Variants in CCSER1 observed in about 807,000 individuals in gnomAD.
CCSER1 encodes coiled-coil serine rich protein 1.
CCSER1 carries 41 observed loss-of-function variants against 82.0 expected under a neutral mutation model. That is an observed-to-expected ratio of 0.50 (90% confidence interval 0.39 to 0.65). The LOEUF is 0.65. Ranked by LOEUF, CCSER1 falls within the 30% of genes least tolerant of loss-of-function variation. The probability of loss-of-function intolerance (pLI) is 0.00; values close to 1 mark genes in which losing one functional copy is unlikely to be tolerated. For missense variants in CCSER1, 1,119 were observed against 1,064.2 expected, an observed-to-expected ratio of 1.05 and a Z score of -0.72; for synonymous variants, 414 against 383.9, an observed-to-expected ratio of 1.08 and a Z score of -0.92.
chr4:90,314,395 A>G (rs1735802837), intron 3 of CCSER1, among the ~76,000 whole-genome samples: 1 of 152,204 alleles, frequency 6.6e-6, no homozygotes, highest in African/African-American at 2.4e-5. Context: ...AAGTATTACA[A>G]AACATTTATC....
intron 7 of CCSER1, among the ~76,000 whole-genome samples, chr4:90,788,310 G>T (rs952055300): frequency 6.6e-6 from 1 of 152,084 alleles, no homozygotes; most frequent in Non-Finnish European, 1.5e-5. Context: ...AATTATGGGT[G>T]TGTCTATGTA....
intron 5 of CCSER1, among the ~76,000 whole-genome samples, chr4:90,585,411 A>C (rs1213509748): frequency 6.6e-6 from 1 of 152,172 alleles, no homozygotes; most frequent in African/African-American, 2.4e-5. Context: ...TATAACCTGC[A>C]TTGGTGTAAA....
At chr4:91,446,791 A>G (rs1483627890) in intron 10 of CCSER1, among the ~76,000 whole-genome samples, 1 of 151,244 alleles carries the variant, frequency 6.6e-6, no homozygotes, top group Non-Finnish European at 1.5e-5. Context: ...TCTGTATAAA[A>G]TATTTTCTTA....
In CCSER1 at chr4:91,591,417, T is replaced by C. The variant is rs572025150; in HGVS notation, c.2218-7155T>C. 1.2e-3 allele frequency among the ~76,000 whole-genome samples: 187 copies of C among 152,160 alleles called. 1 individual carries two copies. Among genetic ancestry groups the C allele is most frequent in the Admixed American group, 1.6e-3 (25 of 15,246 alleles). ...ATTTGTAATTAATTAAATTAATATA[T>C]GTATTATAGAGTGTATTCTGTCATT... On this transcript the variant is annotated intron_variant, in intron 10 of 10. Transcript: ENST00000509176.
chr4:90,346,104 AT>A (rs1742284800), intron 3 of CCSER1, among the ~76,000 whole-genome samples: 1 of 152,024 alleles, frequency 6.6e-6, no homozygotes. Flanking sequence ...GTGTTTAAAT[AT>A]TTTAATGAAG....
intron 5 of CCSER1, among the ~76,000 whole-genome samples, chr4:90,563,267 A>G (rs1034619567): frequency 6.6e-6 from 1 of 152,040 alleles, no homozygotes; most frequent in Non-Finnish European, 1.5e-5. Context: ...GCCCGCCACC[A>G]TGCCCAGCTA....
chr4:90,726,196 G>T (rs1343236748), intron 7 of CCSER1, among the ~76,000 whole-genome samples: 1 of 151,980 alleles, frequency 6.6e-6, no homozygotes, highest in African/African-American at 2.4e-5. Flanking sequence ...GTTGGAGGAA[G>T]ATACCTTGTT....
chr4:90,451,390 C>A (rs556063185), intron 4 of CCSER1, among the ~76,000 whole-genome samples: 27 of 152,262 alleles, frequency 1.8e-4, no homozygotes, highest in Middle Eastern at 6.8e-3. Flanking sequence ...GACTCCCATC[C>A]TTTGGGTTCC....
intron 9 of CCSER1, among the ~76,000 whole-genome samples, 153 bp from the exon 10 acceptor site, chr4:91,085,797 C>T (rs1358964816): frequency 1.3e-5 from 2 of 152,076 alleles, no homozygotes; most frequent in African/African-American, 2.4e-5. Flanking sequence ...CACACATAGA[C>T]ACATACACAC....
At chr4:90,458,637 G>A (rs1478702271) in intron 4 of CCSER1, among the ~76,000 whole-genome samples, 2 of 152,166 alleles carry the variant, frequency 1.3e-5, no homozygotes, top group South Asian at 2.1e-4. Context: ...TTAAAGGCGT[G>A]AGCCACCATG....
chr4:91,251,479 T>C (rs967255082), intron 10 of CCSER1, among the ~76,000 whole-genome samples: 4 of 152,116 alleles, frequency 2.6e-5, no homozygotes, highest in African/African-American at 9.7e-5. Context: ...ACATAGCAGA[T>C]AATGAGGGCA....
chr4:91,427,098 T>C (rs994193279), intron 10 of CCSER1, among the ~76,000 whole-genome samples: 2 of 152,140 alleles, frequency 1.3e-5, no homozygotes, highest in Admixed American at 1.3e-4. Flanking sequence ...ATGCTAACCA[T>C]CTTCATTCAA....
intron 3 of CCSER1, among the ~76,000 whole-genome samples, chr4:90,398,167 G>A (rs1391772317): frequency 4.6e-5 from 7 of 152,126 alleles, no homozygotes; most frequent in Admixed American, 6.5e-5. Context: ...ATCACTCTCT[G>A]TGTGTGCTGT....
rs533617782 is a variant in CCSER1, at chr4:91,241,433, C to G, written c.2217+155439C>G. 4.8e-5 allele frequency among the ~76,000 whole-genome samples: 7 copies of G among 146,028 alleles called. No homozygotes were observed. In the East Asian group the frequency reaches 1.4e-3, roughly 30 times the overall value. On this transcript the variant is annotated intron_variant, in intron 10 of 10. Coordinates refer to ENST00000509176, the MANE Select transcript of CCSER1 (RefSeq NM_001145065.2). ...CTCCGCCTCCCAGGTTCACGCCATT[C>G]TCTTGCCTCAGCCTCCCGAGTAGCT... is the stretch of plus-strand genomic sequence containing the variant.
At chr4:91,141,459 A>G (rs942200267) in intron 10 of CCSER1, among the ~76,000 whole-genome samples, 1 of 151,996 alleles carries the variant, frequency 6.6e-6, no homozygotes, top group Non-Finnish European at 1.5e-5. Flanking sequence ...GCCCAATTTC[A>G]TTCTTTTTTT....
At chr4:91,477,828 G>A (rs1296149252) in intron 10 of CCSER1, among the ~76,000 whole-genome samples, 1 of 151,746 alleles carries the variant, frequency 6.6e-6, no homozygotes, top group African/African-American at 2.4e-5. Flanking sequence ...GGCTTGGGTA[G>A]TATATATGCA....
intron 9 of CCSER1, among the ~76,000 whole-genome samples, chr4:91,064,611 A>G (rs1209448826): frequency 6.6e-6 from 1 of 152,226 alleles, no homozygotes; most frequent in Non-Finnish European, 1.5e-5. Flanking sequence ...AGCCACAATC[A>G]TAGAAATTCC....
chr4:91,204,478 G>A (rs1302853890), intron 10 of CCSER1, among the ~76,000 whole-genome samples: 4 of 151,792 alleles, frequency 2.6e-5, no homozygotes, highest in African/African-American at 9.7e-5. Flanking sequence ...AAATATGTAT[G>A]TATTTGTTAC....
At chr4:91,002,631 G>T (rs913128334) in intron 9 of CCSER1, among the ~76,000 whole-genome samples, 4 of 151,838 alleles carry the variant, frequency 2.6e-5, no homozygotes, top group Non-Finnish European at 4.4e-5. Flanking sequence ...CTCTTTCATT[G>T]AATATTTTTC....
Sources: gnomAD v4.1 joint callset for allele counts (sites outside exome capture counted in the v4.1 genomes callset) on GRCh38, gnomAD v4.1.1 for gene constraint, MANE v1.5 for transcripts, NCBI Gene and HGNC (gene_info 2026-07-23, HGNC 2026-07-21) for gene names.